ZC3H13: variants seen among roughly 807,000 people sequenced by gnomAD.
ZC3H13 encodes the protein zinc finger CCCH domain-containing protein 13.
A neutral mutation model predicts 204.1 loss-of-function variants in ZC3H13; 64 were observed. The observed-to-expected ratio is 0.31, with a 90% CI of 0.26 to 0.39. The LOEUF (loss-of-function observed/expected upper bound fraction) is 0.39, where lower values mean the gene tolerates loss of function less well. Ranked by LOEUF, ZC3H13 falls within the 10% of genes least tolerant of loss-of-function variation. The pLI, the probability that ZC3H13 is intolerant of heterozygous loss-of-function variation, is 1.00. For missense variants in ZC3H13, 1,833 were observed against 2,082.7 expected (o/e 0.88, Z 2.33); for synonymous variants, 667 against 693.7 (o/e 0.96, Z 0.60).
intron 17 of ZC3H13, chr13:45,962,639 A>G: frequency 1.0e-6 from 1 of 982,602 alleles, no homozygotes; most frequent in Non-Finnish European, 1.2e-6. Context: ...CTATATTAAA[A>G]TAAAAAAATT....
At chr13:46,007,412 G>T (rs2041232627) in intron 7 of ZC3H13, among the ~76,000 whole-genome samples, 1 of 152,150 alleles carries the variant, frequency 6.6e-6, no homozygotes, top group Non-Finnish European at 1.5e-5. Flanking sequence ...CCAAGAAAGT[G>T]GAATCATGGT....
rs1210393044 is a variant in ZC3H13 at position 45,959,465 on chromosome 13, C to G, written c.4839+18G>C. The G allele has an allele frequency of 1.3e-6, 2 of 1,512,956 alleles. No homozygotes were observed. The highest frequency in any genetic ancestry group is 5.1e-5 in the East Asian group (2 of 39,568). 93.7% of individuals were successfully genotyped at this position (1,512,956 alleles called of 1,614,324 possible). A position where few individuals can be genotyped will look rare whatever the true frequency, so the allele number is the denominator to read the frequency against. ...TCACACTATTCACTTTGTATTTTTT[C>G]CAAGGAAATAACAGTACCTTCTCAT... On this transcript the variant is annotated intron_variant, in intron 18 of 18. Transcript: ENST00000679008.
At position 45,969,108 on chromosome 13, in the gene ZC3H13, T is replaced by C; in HGVS notation, c.3436A>G (p.Thr1146Ala). ...TCATTGGCAAAAGTATTATTGGTGGTATTGGTGGGGGTGGCAGAGGTGGAA... is the reference window on the plus strand; with the variant it reads ...TCATTGGCAAAAGTATTATTGGTGGCATTGGTGGGGGTGGCAGAGGTGGAA... ...TISTSATPTN[T>A]TNNTFANEDS... The change falls in exon 14 of 19, where the codon ACC becomes GCC. Residue 1146 changes from threonine (T) to alanine (A), a missense_variant. Transcript: ENST00000679008. 2 of 1,614,078 alleles carry C rather than the reference T, an allele frequency of 1.2e-6. No individual in the cohort carries two copies. The highest frequency in any genetic ancestry group is 1.7e-6 in the Non-Finnish European group (2 of 1,180,000).
intron 4 of ZC3H13, among the ~76,000 whole-genome samples, chr13:46,037,189 T>G (rs1241706601): frequency 6.6e-6 from 1 of 152,138 alleles, no homozygotes; most frequent in Non-Finnish European, 1.5e-5. Context: ...ATTGTTAAAA[T>G]AGTAAATTTT....
intron 10 of ZC3H13, among the ~76,000 whole-genome samples, chr13:45,984,455 AT>A (rs772475342): frequency 1.2e-4 from 18 of 152,244 alleles, no homozygotes; most frequent in Non-Finnish European, 2.5e-4. Context: ...AATGTAAAAA[AT>A]ATTAATGAGA....
chr13:45,963,597 G>A, intron 17 of ZC3H13: 2 of 1,272,442 alleles, frequency 1.6e-6, no homozygotes, highest in Non-Finnish European at 2.0e-6. Context: ...CTGTTAATAA[G>A]TAATTTTCAT....
At chr13:45,981,578 T>A (rs1191324021) in intron 10 of ZC3H13, among the ~76,000 whole-genome samples, 2 of 152,098 alleles carry the variant, frequency 1.3e-5, no homozygotes, top group Non-Finnish European at 2.9e-5. Context: ...CCACAAGGGT[T>A]GAACTAGTTT....
chr13:45,987,883 A>G (rs565951435), intron 9 of ZC3H13, among the ~76,000 whole-genome samples: 1 of 152,332 alleles, frequency 6.6e-6, no homozygotes, highest in South Asian at 2.1e-4. Context: ...AAGAGATGAG[A>G]GCTATTAAAC....
At chr13:46,048,090 C>A (rs906071174) in intron 1 of ZC3H13, among the ~76,000 whole-genome samples, 2 of 152,168 alleles carry the variant, frequency 1.3e-5, no homozygotes, top group Admixed American at 6.5e-5. Context: ...TATTTATTAT[C>A]GTACTTATTA....
chr13:45,990,219 C>A (rs1679388996), intron 8 of ZC3H13, among the ~76,000 whole-genome samples: 8 of 152,232 alleles, frequency 5.3e-5, no homozygotes, highest in Admixed American at 5.2e-4. Context: ...CCTCCCATTC[C>A]AAGTTATGAC....
Position 45,975,515 on chromosome 13 carries a change from C to G in ZC3H13, c.2236G>C (p.Glu746Gln). The G allele has an allele frequency of 6.2e-7, 1 of 1,610,516 alleles. No individual in the cohort carries two copies. Among genetic ancestry groups the G allele is most frequent in the Non-Finnish European group, 8.5e-7 (1 of 1,178,464 alleles). ...ERERERERDR[E>Q]KEREREREER... is the part of the protein sequence containing the mutation. ...TCTCTTTCTCGTTCCCGTTCTTTTT[C>G]CCTGTCTCGTTCCCTCTCTCTTTCC... The change falls in exon 12 of 19, where the codon GAA becomes CAA. Residue 746 changes from glutamate to glutamine, a missense_variant. Transcript: ENST00000679008.
Position 45,968,798 on chromosome 13 carries a change from G to C in ZC3H13, c.3746C>G (p.Ser1249Cys). The part of the protein sequence containing the change: ...KSLEITGERK[S>C]RIDQLKRGEP... ...TCCACGCTTTAACTGATCAATCCTA[G>C]ATTTTCTCTCTCCTGTGATTTCCAG... The change falls in exon 14 of 19, where the codon TCT becomes TGT. Residue 1249 changes from serine to cysteine, a missense_variant. Ser to Cys is a moderately radical substitution (Grantham distance 112, BLOSUM62 -1). Transcript: ENST00000679008. 1 of 1,613,108 alleles carries C rather than the reference G, an allele frequency of 6.2e-7. No individual in the cohort carries two copies. Among genetic ancestry groups the C allele is most frequent in the Non-Finnish European group, 8.5e-7 (1 of 1,179,782 alleles).
At position 45,969,062 on chromosome 13, in the gene ZC3H13, T is replaced by C; in HGVS notation, c.3482A>G (p.His1161Arg). ...CTCTACTTTTTCTACTCGTGTTCTG[T>C]GGCATTTTCTGTGTGAGTCTTCATT... The part of the protein sequence containing the change: ...FANEDSHRKC[H>R]RTRVEKVETP... The change falls in exon 14 of 19, where the codon CAC (histidine) becomes CGC (arginine). Residue 1161 changes from histidine (H) to arginine (R), a missense_variant. This residue lies in a region of ZC3H13 where 1,574 missense variants were observed against 1,757.2 expected (regional missense o/e 0.90). Coordinates refer to ENST00000679008, the MANE Select transcript of ZC3H13 (RefSeq NM_001330564.2). 6.2e-7 allele frequency: 1 copy of C among 1,614,214 alleles called. No individual in the cohort carries two copies.
rs764643416 is a variant in ZC3H13, at chr13:45,975,710, G to A, written c.2041C>T (p.Arg681Trp). 9.9e-6 allele frequency: 16 copies of A among 1,612,472 alleles called. No individual in the cohort carries two copies. Among genetic ancestry groups the A allele is most frequent in the African/African-American group, 6.7e-5 (5 of 74,450 alleles). ...CGCTCCCTGTCTCGTTCTCGTTCCC[G>A]ATCTCTCTCTCTAGCCCTTTCATCT... ...RRDERARERD[R>W]ERERDRERER... Residue 681 changes from arginine (R) to tryptophan (W), a missense_variant, in exon 12 of 19, where the codon CGG becomes TGG. Arg to Trp is a moderately radical substitution (Grantham distance 101, BLOSUM62 -3). This residue lies in a region of ZC3H13 where 1,574 missense variants were observed against 1,757.2 expected (regional missense o/e 0.90). Coordinates refer to ENST00000679008, the MANE Select transcript of ZC3H13 (RefSeq NM_001330564.2).
chr13:46,034,204 G>A (rs1388194208), intron 4 of ZC3H13, among the ~76,000 whole-genome samples: 1 of 152,166 alleles, frequency 6.6e-6, no homozygotes, highest in African/African-American at 2.4e-5. Context: ...AGGTGGAGAT[G>A]CAAAATGGAA....
At chr13:46,020,597 TAAAAA>T (rs746233891) in intron 4 of ZC3H13, 40 bp from the exon 5 acceptor site, 1 of 1,335,772 alleles carries the variant, frequency 7.5e-7, no homozygotes, top group African/African-American at 1.5e-5. Flanking sequence ...ACTATATTTT[TAAAAA>T]TTATGAGGTA....
At chr13:45,963,426 GT>G (rs540293979) in intron 17 of ZC3H13, 10,910 of 793,154 alleles carry the variant, frequency 0.014, no homozygotes, top group Non-Finnish European at 0.015. Flanking sequence ...TGGTTAATTT[GT>G]TTTTTTTTTT....
chr13:46,040,143 T>C (rs2043475224), intron 4 of ZC3H13, among the ~76,000 whole-genome samples: 1 of 152,208 alleles, frequency 6.6e-6, no homozygotes, highest in Non-Finnish European at 1.5e-5. Context: ...CTGAGAACTA[T>C]TTAAGATTTT....
intron 15 of ZC3H13, among the ~76,000 whole-genome samples, chr13:45,966,784 A>G (rs1952125779): frequency 6.6e-6 from 1 of 152,208 alleles, no homozygotes; most frequent in South Asian, 2.1e-4. Context: ...CTTCATCGAG[A>G]AAATAATGTA....
Sources: allele counts gnomAD v4.1 joint callset (sites outside exome capture counted in the v4.1 genomes callset), GRCh38; gene constraint gnomAD v4.1.1; regional missense constraint gnomAD v4.1.1; transcripts MANE v1.5; gene names NCBI Gene and HGNC (gene_info 2026-07-23, HGNC 2026-07-21).